Variants in CACNA1E observed in about 807,000 individuals in gnomAD.
CACNA1E encodes the protein voltage-dependent R-type calcium channel subunit alpha-1E.
In CACNA1E, 40 loss-of-function variants were observed where a neutral mutation model predicts 259.2. The ratio of observed to expected loss-of-function variants is 0.15; its 90% CI spans 0.12 to 0.20. The LOEUF (loss-of-function observed/expected upper bound fraction) is 0.20, where lower values mean the gene tolerates loss of function less well. CACNA1E is among the 10% of genes least tolerant of loss of function. The pLI is 1.00. For synonymous variants in CACNA1E, 1,104 were observed against 1,138.5 expected (o/e 0.97, Z 0.61); for missense variants, 1,874 against 3,040.1 (o/e 0.62, Z 9.02).
intron 27 of CACNA1E, among the ~76,000 whole-genome samples, chr1:181,753,345 C>T (rs1317172187): frequency 1.3e-5 from 2 of 152,194 alleles, no homozygotes; most frequent in Non-Finnish European, 1.5e-5. Flanking sequence ...GAGTGCGCCT[C>T]CTAAACGGGC....
At chr1:181,515,568 C>T (rs1377522142) in intron 3 of CACNA1E, among the ~76,000 whole-genome samples, 1 of 152,208 alleles carries the variant, frequency 6.6e-6, no homozygotes, top group Non-Finnish European at 1.5e-5. Context: ...TCTTATCTTA[C>T]AGAACTTGGG....
chr1:181,564,745 A>G (rs1288168722), intron 3 of CACNA1E, among the ~76,000 whole-genome samples: 2 of 152,250 alleles, frequency 1.3e-5, no homozygotes, highest in Non-Finnish European at 2.9e-5. Flanking sequence ...CTTAAATAGT[A>G]TGACTTGAAA....
chr1:181,706,600 T>G (rs1373844444), intron 7 of CACNA1E, among the ~76,000 whole-genome samples: 2 of 152,194 alleles, frequency 1.3e-5, no homozygotes, highest in African/African-American at 2.4e-5. Flanking sequence ...TGCTACTGTC[T>G]CAATGAAAAG....
chr1:181,635,255 T>C (rs919352554), intron 6 of CACNA1E, among the ~76,000 whole-genome samples: 1 of 152,206 alleles, frequency 6.6e-6, no homozygotes, highest in Non-Finnish European at 1.5e-5. Flanking sequence ...GTGTGTCTGA[T>C]GCCCGGTCAT....
intron 1 of CACNA1E, among the ~76,000 whole-genome samples, chr1:181,323,825 T>G (rs1300819813): frequency 6.6e-6 from 1 of 152,226 alleles, no homozygotes; most frequent in Non-Finnish European, 1.5e-5. Flanking sequence ...AACTTCCGCC[T>G]TCTTTTTTTG....
chr1:181,534,913 A>G (rs1310375373), intron 3 of CACNA1E, among the ~76,000 whole-genome samples: 2 of 152,158 alleles, frequency 1.3e-5, no homozygotes, highest in African/African-American at 4.8e-5. Context: ...TTATGTTTAA[A>G]TGACTAAGCT....
At chr1:181,515,943 G>A (rs1192409050) in intron 3 of CACNA1E, among the ~76,000 whole-genome samples, 1 of 152,142 alleles carries the variant, frequency 6.6e-6, no homozygotes, top group African/African-American at 2.4e-5. Flanking sequence ...CTGGGGCTGG[G>A]GTAAAGAGGG....
intron 1 of CACNA1E, among the ~76,000 whole-genome samples, chr1:181,402,621 G>C (rs1270947831): frequency 6.6e-6 from 1 of 152,164 alleles, no homozygotes; most frequent in East Asian, 1.9e-4. Flanking sequence ...GCTGACAACA[G>C]CTCTGCTTCC....
chr1:181,363,096 A>G (rs978256880), intron 1 of CACNA1E, among the ~76,000 whole-genome samples: 2 of 152,158 alleles, frequency 1.3e-5, no homozygotes, highest in African/African-American at 4.8e-5. Flanking sequence ...GACCTGTATC[A>G]TTTCTGATTC....
intron 3 of CACNA1E, among the ~76,000 whole-genome samples, chr1:181,551,410 A>T (rs1572182141): frequency 6.6e-6 from 1 of 152,294 alleles, no homozygotes; most frequent in Middle Eastern, 3.4e-3. Context: ...GAGGTCCTCA[A>T]TGCAGGCTGC....
At chr1:181,362,304 G>A (rs751382017) in intron 1 of CACNA1E, among the ~76,000 whole-genome samples, 24 of 152,222 alleles carry the variant, frequency 1.6e-4, no homozygotes, top group Non-Finnish European at 2.5e-4. Flanking sequence ...CCTAGTAGGT[G>A]CAGAAATGGA....
At chr1:181,420,997 A>G (rs1658697453) in intron 2 of CACNA1E, among the ~76,000 whole-genome samples, 1 of 152,158 alleles carries the variant, frequency 6.6e-6, no homozygotes, top group Non-Finnish European at 1.5e-5. Flanking sequence ...ACATTTGCAG[A>G]TGAAAAACAA....
At chr1:181,427,093 C>A (rs570545604) in intron 2 of CACNA1E, among the ~76,000 whole-genome samples, 1 of 151,760 alleles carries the variant, frequency 6.6e-6, no homozygotes, top group East Asian at 1.9e-4. Flanking sequence ...CCTATCTCAA[C>A]CCCTTCACAA....
At chr1:181,614,607 A>C (rs73057794) in intron 6 of CACNA1E, among the ~76,000 whole-genome samples, 1 of 152,320 alleles carries the variant, frequency 6.6e-6, no homozygotes, top group South Asian at 2.1e-4. Context: ...AAATATAGGC[A>C]GTAGTACAGT....
intron 1 of CACNA1E, among the ~76,000 whole-genome samples, chr1:181,341,614 C>G (rs1413949355): frequency 1.3e-5 from 2 of 152,182 alleles, no homozygotes; most frequent in Admixed American, 1.3e-4. Flanking sequence ...ACACCAGAGA[C>G]CAGCCCTGCA....
chr1:181,698,073 T>C (rs1648088780), intron 7 of CACNA1E, among the ~76,000 whole-genome samples: 1 of 152,220 alleles, frequency 6.6e-6, no homozygotes. Flanking sequence ...TGTCTTCTCC[T>C]GAAGGTGGTA....
chr1:181,621,642 T>C (rs1655727537), intron 6 of CACNA1E, among the ~76,000 whole-genome samples: 1 of 152,162 alleles, frequency 6.6e-6, no homozygotes, highest in African/African-American at 2.4e-5. Flanking sequence ...CAGAATGAGA[T>C]ATAGTGAATA....
intron 2 of CACNA1E, among the ~76,000 whole-genome samples, chr1:181,454,561 G>A (rs1661346271): frequency 6.6e-6 from 1 of 152,210 alleles, no homozygotes; most frequent in Admixed American, 6.5e-5. Flanking sequence ...TGGCTTGAGA[G>A]TTTGGGAGCA....
At chr1:181,769,285 C>T (rs1307863045) in intron 35 of CACNA1E, among the ~76,000 whole-genome samples, 2 of 151,504 alleles carry the variant, frequency 1.3e-5, no homozygotes, top group African/African-American at 2.4e-5. Context: ...CCTCAGCATC[C>T]CTTCTTTCTC....
Sources: gnomAD v4.1 joint callset for allele counts (sites outside exome capture counted in the v4.1 genomes callset) on GRCh38, gnomAD v4.1.1 for gene constraint, MANE v1.5 for transcripts, NCBI Gene and HGNC (gene_info 2026-07-23, HGNC 2026-07-21) for gene names.